Variants in GCN1 observed in about 807,000 individuals in gnomAD.
GCN1 encodes the protein GCN1 activator of EIF2AK4.
In GCN1, 90 loss-of-function variants were observed where a neutral mutation model predicts 288.4. That is an observed-to-expected ratio of 0.31 (90% CI 0.26 to 0.37). The LOEUF is 0.37. Ranked by LOEUF, GCN1 falls within the 10% of genes least tolerant of loss-of-function variation. The pLI is 1.00. For synonymous variants in GCN1, 1,386 were observed against 1,420.2 expected (o/e 0.98, Z 0.54); for missense variants, 2,586 against 3,419.9 (o/e 0.76, Z 6.08).
chr12:120,168,970 G>A (rs1261141562), intron 15 of GCN1, among the ~76,000 whole-genome samples: 2 of 152,120 alleles, frequency 1.3e-5, no homozygotes, highest in Non-Finnish European at 2.9e-5. Flanking sequence ...TTAAGTTCAG[G>A]TGTGTCCCAG....
intron 51 of GCN1, among the ~76,000 whole-genome samples, chr12:120,135,941 A>T (rs948210007): frequency 1.3e-5 from 2 of 151,328 alleles, no homozygotes; most frequent in Non-Finnish European, 2.9e-5. Context: ...GCTTGAACCC[A>T]GGAGGCGGAG....
Position 120,175,428 on chromosome 12 carries a change from TA to T in GCN1, c.1043-217del, listed in dbSNP as rs1878450242. Among the ~76,000 whole-genome samples, 5 of 152,344 alleles carry T rather than the reference TA, an allele frequency of 3.3e-5. No individual in the cohort carries two copies. In the South Asian group the frequency reaches 8.3e-4, roughly 25 times the overall value. ...AAAAACTTGAGAAACAGAAAAAATA[TA>T]AAGAAAAACATTTAAAAGGCACTCA... On this transcript the variant is annotated intron_variant, in intron 11 of 57. Coordinates refer to ENST00000300648, the MANE Select transcript of GCN1 (RefSeq NM_006836.2).
At chr12:120,174,273 T>G (rs1594283749) in intron 12 of GCN1, 104 bp from the exon 13 acceptor site, 1 of 701,120 alleles carries the variant, frequency 1.4e-6, no homozygotes, top group Non-Finnish European at 2.6e-6. Flanking sequence ...ACCTCTTCTG[T>G]GTCTCCAGCA....
chr12:120,175,841 T>C lies in GCN1; in HGVS notation c.947A>G (p.Asp316Gly), dbSNP rs369823379. The C allele has an allele frequency of 1.9e-6, 3 of 1,613,184 alleles. No individual in the cohort carries two copies. In the African/African-American group the frequency reaches 4.0e-5, roughly 22 times the overall value. ...GTTCCGCAGTGCCAGCACAGCTTCATCCATCAGGCGGGGACTGTTGGATTT... is the reference window on the plus strand; with the variant it reads ...GTTCCGCAGTGCCAGCACAGCTTCACCCATCAGGCGGGGACTGTTGGATTT... The part of the protein sequence containing the change: ...HLKSNSPRLM[D>G]EAVLALRNLA... Residue 316 changes from aspartate to glycine, a missense_variant, in exon 11 of 58, where the codon GAT becomes GGT. Asp to Gly is a moderately conservative substitution (Grantham distance 94, BLOSUM62 -1). Around this residue, in one of 8 missense-constraint regions of GCN1, gnomAD observed 913 missense variants for 1,107.0 expected, o/e 0.82. Coordinates refer to ENST00000300648, the MANE Select transcript of GCN1 (RefSeq NM_006836.2).
rs115316496 is a variant in GCN1, at chr12:120,136,846, T to C, written c.6778-114A>G. 1.0e-3 allele frequency: 739 copies of C among 732,288 alleles called. 6 individuals are homozygous for C. The African/African-American group carries it at 0.012, about 12-fold the overall frequency. The allele number at this position is 732,288 out of a possible 1,614,324, so 45.4% of individuals were successfully genotyped here. A position where few individuals can be genotyped will look rare whatever the true frequency, so the allele number is the denominator to read the frequency against. ...CCTCCCCTCAACTCCATGGGAGATA[T>C]TGATTTGGGCTGAATCTCAGGATCA... is the stretch of plus-strand genomic sequence containing the variant. On this transcript the variant is annotated intron_variant, in intron 50 of 57. Transcript: ENST00000300648.
At chr12:120,181,730 T>C (rs1014361053) in intron 5 of GCN1, among the ~76,000 whole-genome samples, 11 of 150,762 alleles carry the variant, frequency 7.3e-5, no homozygotes, top group Admixed American at 4.0e-4. Context: ...TCCCAGCCAC[T>C]TGGGAGGCTG....
chr12:120,145,398 G>A (rs1306337225), intron 38 of GCN1, 68 bp from the exon 39 acceptor site: 1 of 1,211,724 alleles, frequency 8.3e-7, no homozygotes. Flanking sequence ...GTTCCACTGT[G>A]GACCCTGACC....
At chr12:120,154,850 C>T (rs1877688196) in intron 31 of GCN1, 120 bp downstream of exon 31, 17 of 1,233,848 alleles carry the variant, frequency 1.4e-5, no homozygotes, top group East Asian at 2.3e-5. Context: ...CAGGCCTCCC[C>T]GACTCTGAGG....
chr12:120,192,864 G>A (rs987733450), intron 1 of GCN1, among the ~76,000 whole-genome samples: 2 of 151,610 alleles, frequency 1.3e-5, no homozygotes, highest in South Asian at 2.1e-4. Context: ...ACCCAACATG[G>A]TGAAACCCTG....
chr12:120,151,881 GC>G (rs1877565446), intron 33 of GCN1, among the ~76,000 whole-genome samples: 2 of 152,320 alleles, frequency 1.3e-5, no homozygotes, highest in South Asian at 4.1e-4. Flanking sequence ...AGCTCACTAA[GC>G]CCAGCTTGGG....
At chr12:120,163,367 G>A in intron 18 of GCN1, 108 bp from the exon 19 acceptor site, 2 of 850,076 alleles carry the variant, frequency 2.4e-6, no homozygotes, top group Non-Finnish European at 3.7e-6. Context: ...TTCTTCCCTG[G>A]GGTCCTTGCT....
chr12:120,178,534 C>T (rs931000056), intron 7 of GCN1, 91 bp downstream of exon 7: 6 of 1,327,378 alleles, frequency 4.5e-6, no homozygotes, highest in Non-Finnish European at 6.5e-6. Flanking sequence ...CTAGGGTCAC[C>T]AGGGCAAAGC....
Position 120,156,141 on chromosome 12 carries a change from A to G in GCN1, c.3312+320T>C, listed in dbSNP as rs548033985. Among the ~76,000 whole-genome samples the G allele has an allele frequency of 9.5e-4, 145 of 152,354 alleles. No individual in the cohort carries two copies. The highest frequency in any genetic ancestry group is 1.8e-3 in the Non-Finnish European group (125 of 68,028). ...TGCTTCAGTTTTTGGTCCAAAAGCC[A>G]TGAAGAAAAACCAAGTACATGGCAG... On this transcript the variant is annotated intron_variant, in intron 28 of 57. Transcript: ENST00000300648. This position sits in a 1 kb window ranked among gnomAD's most constrained non-coding sequence, Gnocchi z 5.8.
At position 120,190,793 on chromosome 12, in the gene GCN1, C is replaced by A. The variant is rs372933279; in HGVS notation, c.19-393G>T. On this transcript the variant is annotated intron_variant, in intron 1 of 57. Transcript: ENST00000300648. ...AAAGAAAATATCCCTTCAGAACTAC[C>A]CAAAATCTAGCAAGGGCCTGGTACG... Among the ~76,000 whole-genome samples the A allele has an allele frequency of 3.4e-4, 52 of 152,172 alleles. No homozygotes were observed. The East Asian group carries it at 4.1e-3, about 12-fold the overall frequency.
chr12:120,154,171 G>A (rs865897149), intron 31 of GCN1, among the ~76,000 whole-genome samples: 1 of 152,254 alleles, frequency 6.6e-6, no homozygotes, highest in East Asian at 1.9e-4. Context: ...AGAGAGGAAT[G>A]TGAGTGCAAT....
chr12:120,143,555 C>T lies in GCN1; in HGVS notation c.5496-614G>A, dbSNP rs1029371216. On this transcript the variant is annotated intron_variant, in intron 42 of 57. Transcript: ENST00000300648. ...CGAGATCATGCCACTGCACTCCAGC[C>T]TGGGTGACAGAGCGAGACTCCGTCT... 1.9e-4 allele frequency among the ~76,000 whole-genome samples: 29 copies of T among 149,184 alleles called. 1 individual carries two copies. The highest frequency in any genetic ancestry group is 7.0e-4 in the African/African-American group (28 of 40,214).
intron 11 of GCN1, 123 bp downstream of exon 11, chr12:120,175,623 C>T: frequency 1.0e-6 from 1 of 985,754 alleles, no homozygotes; most frequent in Non-Finnish European, 1.5e-6. Context: ...AGTGTGACGT[C>T]CCCCTGGCCA....
At position 120,144,279 on chromosome 12, in the gene GCN1, A is replaced by G. The variant is rs771228702; in HGVS notation, c.5495+27T>C. The G allele has an allele frequency of 1.2e-6, 2 of 1,613,632 alleles. No individual in the cohort carries two copies. The highest frequency in any genetic ancestry group is 1.7e-6 in the Non-Finnish European group (2 of 1,179,566). Reference sequence around the variant, plus strand: ...GCATGAGCCACCACGCATCATCCCCACTGGGTCTTTCTGCCCAAGTTCTCA... The same window carrying G: ...GCATGAGCCACCACGCATCATCCCCGCTGGGTCTTTCTGCCCAAGTTCTCA... On this transcript the variant is annotated intron_variant, in intron 42 of 57. Coordinates refer to ENST00000300648, the MANE Select transcript of GCN1 (RefSeq NM_006836.2). The surrounding 1 kb of genome is among the most constrained non-coding windows in gnomAD (Gnocchi z 4.7).
At chr12:120,133,896 C>T (rs1876910966) in intron 53 of GCN1, among the ~76,000 whole-genome samples, 1 of 152,106 alleles carries the variant, frequency 6.6e-6, no homozygotes, top group Non-Finnish European at 1.5e-5. Flanking sequence ...ATGGTGAAAC[C>T]CTATCTCTAC....
Sources: allele counts gnomAD v4.1 joint callset (sites outside exome capture counted in the v4.1 genomes callset), GRCh38; gene constraint gnomAD v4.1.1; regional missense constraint gnomAD v4.1.1; non-coding constraint Gnocchi (gnomAD v3.1); transcripts MANE v1.5; gene names NCBI Gene and HGNC (gene_info 2026-07-23, HGNC 2026-07-21).